Variants in ATP6V0A1 observed in about 807,000 individuals in gnomAD.
ATP6V0A1 encodes V-type proton ATPase 116 kDa subunit a 1.
In ATP6V0A1, 43 loss-of-function variants were observed where a neutral mutation model predicts 105.4. The ratio of observed to expected loss-of-function variants is 0.41; its 90% CI spans 0.32 to 0.53. The LOEUF (loss-of-function observed/expected upper bound fraction) is 0.53. Among genes scored for constraint, ATP6V0A1 ranks in the 20% least tolerant of loss-of-function variants. ATP6V0A1 has a pLI of 0.30. For synonymous variants in ATP6V0A1, 362 were observed against 372.8 expected, an observed-to-expected ratio of 0.97 and a Z score of 0.33; for missense variants, 676 against 1,051.1, an observed-to-expected ratio of 0.64 and a Z score of 4.93.
chr17:42,503,067 T>C (rs1236075909), intron 17 of ATP6V0A1, among the ~76,000 whole-genome samples: 1 of 152,224 alleles, frequency 6.6e-6, no homozygotes, highest in African/African-American at 2.4e-5. Context: ...ATTGGTCTAC[T>C]AAGTTTCTAT....
chr17:42,502,324 A>G (rs546133234), intron 17 of ATP6V0A1, among the ~76,000 whole-genome samples: 73 of 152,252 alleles, frequency 4.8e-4, no homozygotes, highest in Non-Finnish European at 8.4e-4. Flanking sequence ...CTGGGCAACC[A>G]CAGGACTGAC....
chr17:42,462,679 C>G (rs1435621632), intron 2 of ATP6V0A1, among the ~76,000 whole-genome samples: 1 of 152,118 alleles, frequency 6.6e-6, no homozygotes, highest in Non-Finnish European at 1.5e-5. Context: ...CTCGGCCTCC[C>G]AAAGTGCTGG....
chr17:42,469,311 AGAAAG>A (rs953063903), intron 4 of ATP6V0A1, among the ~76,000 whole-genome samples: 1 of 151,004 alleles, frequency 6.6e-6, no homozygotes, highest in Non-Finnish European at 1.5e-5. Context: ...ACAATGACTT[AGAAAG>A]GAAAGACTTT....
chr17:42,495,836 C>A, intron 14 of ATP6V0A1, 120 bp downstream of exon 14: 3 of 873,706 alleles, frequency 3.4e-6, no homozygotes, highest in Non-Finnish European at 5.4e-6. Flanking sequence ...TCGCTCATGC[C>A]TGTAATCCCA....
At chr17:42,507,257 G>C (rs2092087040) in intron 17 of ATP6V0A1, 1 of 361,158 alleles carries the variant, frequency 2.8e-6, no homozygotes, top group Non-Finnish European at 5.1e-6. Context: ...TGAGGCTGGT[G>C]CCTCTTGGCA....
intron 14 of ATP6V0A1, 168 bp downstream of exon 14, chr17:42,495,884 T>C (rs1001859646): frequency 3.4e-6 from 2 of 581,324 alleles, no homozygotes; most frequent in African/African-American, 3.8e-5. Flanking sequence ...TCACCTGAGG[T>C]CAGCATGGTG....
Position 42,474,501 on chromosome 17 carries a change from G to A in ATP6V0A1, c.424-3159G>A, listed in dbSNP as rs535746850. ...GTTCTTGCACTAGCTCACAGCCTCA[G>A]CCAGGTTCCTTTCCATAGACCTTGC... On this transcript the variant is annotated intron_variant, in intron 5 of 21. Transcript: ENST00000343619. 3.9e-5 allele frequency among the ~76,000 whole-genome samples: 6 copies of A among 152,260 alleles called. No individual in the cohort carries two copies. The South Asian group carries it at 1.2e-3, about 32-fold the overall frequency.
intron 11 of ATP6V0A1, 70 bp from the exon 12 acceptor site, chr17:42,494,264 G>T: frequency 6.9e-7 from 1 of 1,449,916 alleles, no homozygotes; most frequent in Non-Finnish European, 9.4e-7. Context: ...GTATGGAAAA[G>T]AATGTAATAT....
intron 5 of ATP6V0A1, among the ~76,000 whole-genome samples, chr17:42,473,256 CT>C (rs2088239842): frequency 6.6e-6 from 1 of 152,156 alleles, no homozygotes; most frequent in Non-Finnish European, 1.5e-5. Flanking sequence ...TGTTTAAGGT[CT>C]TTTGCAATAG....
chr17:42,461,663 C>T (rs760844950), intron 2 of ATP6V0A1, among the ~76,000 whole-genome samples: 5 of 152,028 alleles, frequency 3.3e-5, no homozygotes, highest in African/African-American at 9.7e-5. Context: ...CCCAGCCACT[C>T]GGGAGGCCGA....
chr17:42,483,902 G>C (rs1385275031), intron 9 of ATP6V0A1, among the ~76,000 whole-genome samples: 1 of 152,114 alleles, frequency 6.6e-6, no homozygotes, highest in East Asian at 1.9e-4. Context: ...ATTTTTAGTA[G>C]AGATGGGGTT....
intron 16 of ATP6V0A1, 39 bp downstream of exon 16, chr17:42,500,962 A>G (rs764384249): frequency 1.8e-5 from 28 of 1,573,436 alleles, no homozygotes; most frequent in Non-Finnish European, 2.4e-5. Flanking sequence ...AGATGATTAT[A>G]CTTGATCAGG....
intron 9 of ATP6V0A1, among the ~76,000 whole-genome samples, chr17:42,486,661 C>G (rs1471889067): frequency 6.6e-6 from 1 of 152,154 alleles, no homozygotes. Flanking sequence ...GCTCCTGATC[C>G]CATGGCGTCT....
Position 42,478,578 on chromosome 17 carries a change from G to T in ATP6V0A1, c.622G>T (p.Asp208Tyr). 1 of 1,585,612 alleles carries T rather than the reference G, an allele frequency of 6.3e-7. No homozygotes were observed. Among genetic ancestry groups the T allele is most frequent in the Non-Finnish European group, 8.6e-7 (1 of 1,162,774 alleles). Residue 208 changes from aspartate (D) to tyrosine (Y), a missense_variant, in exon 7 of 22, where the codon GAT (aspartate) becomes TAT (tyrosine). Transcript: ENST00000343619. The part of the protein sequence containing the change: ...RQAEIENPLE[D>Y]PVTGDYVHKS... Reference sequence around the variant, plus strand: ...GGCTGAAATCGAGAACCCCCTGGAGGATCCTGTGACTGTAAGACAAGGAGA... The same window carrying T: ...GGCTGAAATCGAGAACCCCCTGGAGTATCCTGTGACTGTAAGACAAGGAGA...
chr17:42,459,193 G>A (rs1414904226), intron 1 of ATP6V0A1: 4 of 152,274 alleles, frequency 2.6e-5, no homozygotes, highest in Non-Finnish European at 5.9e-5. Flanking sequence ...GGTAGGCGGA[G>A]GAACCGGAGG....
At chr17:42,502,496 G>A (rs66941552) in intron 17 of ATP6V0A1, among the ~76,000 whole-genome samples, 19,965 of 150,226 alleles carry the variant, frequency 0.13, 1,941 homozygotes, top group African/African-American at 0.28. Flanking sequence ...TTCTGCGCGC[G>A]CACACACACA....
At chr17:42,476,167 G>T (rs1185136415) in intron 5 of ATP6V0A1, among the ~76,000 whole-genome samples, 1 of 152,194 alleles carries the variant, frequency 6.6e-6, no homozygotes, top group Non-Finnish European at 1.5e-5. Flanking sequence ...ACATGTAACA[G>T]CCAGTGGTAA....
At chr17:42,490,003 G>T (rs535791868) in intron 10 of ATP6V0A1, among the ~76,000 whole-genome samples, 2 of 152,222 alleles carry the variant, frequency 1.3e-5, no homozygotes, top group African/African-American at 4.8e-5. Context: ...GGGCGTGCAT[G>T]GGGGAGAGAA....
chr17:42,494,647 G>A (rs1018603384), intron 12 of ATP6V0A1, 174 bp downstream of exon 12: 5 of 762,882 alleles, frequency 6.6e-6, no homozygotes, highest in Admixed American at 3.2e-5. Context: ...GGTAGTGTGT[G>A]CCTGTAGTCC....
Sources: gnomAD v4.1 joint callset for allele counts (sites outside exome capture counted in the v4.1 genomes callset) on GRCh38, gnomAD v4.1.1 for gene constraint, MANE v1.5 for transcripts, NCBI Gene and HGNC (gene_info 2026-07-23, HGNC 2026-07-21) for gene names.